INPP1: variants seen among roughly 807,000 people sequenced by gnomAD.
INPP1 encodes the protein inositol polyphosphate-1-phosphatase.
Under a neutral mutation model 23.0 loss-of-function variants are expected in INPP1, and 18 were observed. The ratio of observed to expected loss-of-function variants is 0.78; its 90% CI spans 0.54 to 1.16. INPP1 has a LOEUF of 1.16. Among genes scored for constraint, INPP1 ranks in the 50% most tolerant of loss-of-function variants. The pLI is 0.00. For synonymous variants in INPP1, 164 were observed against 176.3 expected (o/e 0.93, Z 0.55); for missense variants, 448 against 482.1 (o/e 0.93, Z 0.66).
At position 190,363,986 on chromosome 2, in the gene INPP1, T is replaced by C. The variant is rs1045390956; in HGVS notation, c.265+1299T>C. ...CCCTCTCAGTGGGATGGGAGGTCTCTGGCAAATTTCAAGCAAAGGAGTGAT... is the reference window on the plus strand; with the variant it reads ...CCCTCTCAGTGGGATGGGAGGTCTCCGGCAAATTTCAAGCAAAGGAGTGAT... On this transcript the variant is annotated intron_variant, in intron 4 of 6. Transcript: ENST00000392329. This position sits in a 1 kb window ranked among gnomAD's most constrained non-coding sequence, Gnocchi z 4.4. Among the ~76,000 whole-genome samples the C allele has an allele frequency of 6.6e-5, 10 of 152,202 alleles. No homozygotes were observed. Among genetic ancestry groups the C allele is most frequent in the African/African-American group, 2.2e-4 (9 of 41,448 alleles).
chr2:190,351,465 AC>A (rs1689322378), intron 2 of INPP1, among the ~76,000 whole-genome samples: 1 of 152,140 alleles, frequency 6.6e-6, no homozygotes, highest in Non-Finnish European at 1.5e-5. Flanking sequence ...GCCATCAGTA[AC>A]CCCACCTTCT....
At chr2:190,347,674 C>G (rs1689245641) in intron 1 of INPP1, among the ~76,000 whole-genome samples, 1 of 151,944 alleles carries the variant, frequency 6.6e-6, no homozygotes, top group South Asian at 2.1e-4. Context: ...TTAAACTTGC[C>G]CTTTTCCTCT....
chr2:190,346,602 C>A lies in INPP1; in HGVS notation c.-208-2286C>A, dbSNP rs1336348516. 6.6e-6 allele frequency among the ~76,000 whole-genome samples: 1 copy of A among 152,056 alleles called. No individual in the cohort carries two copies. The highest frequency in any genetic ancestry group is 1.5e-5 in the Non-Finnish European group (1 of 68,012). The stretch of plus-strand genomic sequence containing the variant: ...AGCAAAATATTGTACCTAATAATTT[C>A]TCTTTCTTTTTTTTCTTTTTTTCTT... On this transcript the variant is annotated intron_variant, in intron 1 of 6. Transcript: ENST00000392329. The surrounding 1 kb of genome is among the most constrained non-coding windows in gnomAD (Gnocchi z 5.1).
chr2:190,362,699 A>T lies in INPP1; in HGVS notation c.265+12A>T. 6.6e-7 allele frequency: 1 copy of T among 1,512,208 alleles called. No individual in the cohort carries two copies. The highest frequency in any genetic ancestry group is 9.1e-7 in the Non-Finnish European group (1 of 1,095,412). 93.7% of individuals were successfully genotyped at this position (1,512,208 alleles called of 1,614,324 possible). On this transcript the variant is annotated intron_variant, in intron 4 of 6. Transcript: ENST00000392329. ...TACTAATGACTGGGGTAAGTATAAGAATCTTAATGTGTCTTTGTAATTTAA... is the reference window on the plus strand; with the variant it reads ...TACTAATGACTGGGGTAAGTATAAGTATCTTAATGTGTCTTTGTAATTTAA...
intron 4 of INPP1, among the ~76,000 whole-genome samples, chr2:190,366,275 GTCTC>G (rs143015591): frequency 5.3e-5 from 7 of 133,022 alleles, no homozygotes; most frequent in African/African-American, 1.7e-4. Context: ...CACTCTTCCT[GTCTC>G]TCTCTCGCTC....
intron 4 of INPP1, 156 bp downstream of exon 4, chr2:190,362,843 A>G (rs1422711055): frequency 2.2e-6 from 1 of 455,110 alleles, no homozygotes. Context: ...ACCTCAGAAT[A>G]TCATGCCATT....
In INPP1 at chr2:190,370,991, A is replaced by G. The variant is rs946168408; in HGVS notation, c.789A>G (p.Val263=). 1.2e-6 allele frequency: 2 copies of G among 1,614,194 alleles called. No individual in the cohort carries two copies. The change falls in exon 7 of 7, where the codon GTA becomes GTG. Residue 263 remains valine (V), a synonymous_variant. Transcript: ENST00000392329. The part of the protein sequence containing the change: ...EAAFSPSFSA[V]ISTSEKETIK... ...CATTCTCCCCCAGTTTTTCAGCCGT[A>G]ATTAGTACAAGTGAAAAGGAGACTA...
chr2:190,345,075 G>A lies in INPP1; in HGVS notation c.-209+1114G>A, dbSNP rs1488613677. On this transcript the variant is annotated intron_variant, in intron 1 of 6. Coordinates refer to ENST00000392329, the MANE Select transcript of INPP1 (RefSeq NM_001128928.2). This position sits in a 1 kb window ranked among gnomAD's most constrained non-coding sequence, Gnocchi z 4.9. ...AAGGGAAAAAATAAAGGCAATGGAA[G>A]AATTCATTTTTTCAATACAGATATT... Among the ~76,000 whole-genome samples the A allele has an allele frequency of 1.3e-5, 2 of 152,164 alleles. No homozygotes were observed. The highest frequency in any genetic ancestry group is 2.9e-5 in the Non-Finnish European group (2 of 68,028).
intron 1 of INPP1, among the ~76,000 whole-genome samples, chr2:190,348,236 A>T (rs1346598656): frequency 6.6e-6 from 1 of 152,218 alleles, no homozygotes; most frequent in East Asian, 1.9e-4. Flanking sequence ...TAATTTTCCT[A>T]TCGCTACCCC....
chr2:190,359,362 C>A (rs927757988), intron 2 of INPP1, among the ~76,000 whole-genome samples: 4 of 151,388 alleles, frequency 2.6e-5, no homozygotes, highest in Admixed American at 6.6e-5. Flanking sequence ...GAAAAGTTGC[C>A]CTGGATAACA....
At chr2:190,351,509 G>T (rs1436506683) in intron 2 of INPP1, among the ~76,000 whole-genome samples, 1 of 152,144 alleles carries the variant, frequency 6.6e-6, no homozygotes, top group Non-Finnish European at 1.5e-5. Flanking sequence ...GACTTCCAAC[G>T]TTGCTATAGG....
At chr2:190,360,433 C>G (rs1689514074) in intron 3 of INPP1, 127 bp downstream of exon 3, 2 of 678,426 alleles carry the variant, frequency 2.9e-6, no homozygotes, top group Middle Eastern at 3.8e-4. Flanking sequence ...AAGTAAACAT[C>G]TTGGATTTTC....
Position 190,371,175 on chromosome 2 carries a change from A to C in INPP1, c.973A>C (p.Arg325=), listed in dbSNP as rs1882891. Residue 325 remains arginine (R), a synonymous_variant, in exon 7 of 7, where the codon AGG becomes CGG. Coordinates refer to ENST00000392329, the MANE Select transcript of INPP1 (RefSeq NM_001128928.2). This position sits in a 1 kb window ranked among gnomAD's most constrained non-coding sequence, Gnocchi z 5.3. ...CTCTTGTGCTGCTCATGCCATACTG[A>C]GGGCCATGGGTGGGGGAATAGTAGA... ...WDSCAAHAIL[R]AMGGGIVDLK... 1,397,002 of 1,613,972 alleles carry C rather than the reference A, an allele frequency of 0.87. 605,315 individuals carry two copies. Among genetic ancestry groups the C allele is most frequent in the Admixed American group, 0.92 (55,346 of 60,022 alleles).
rs1337248925 is a variant in INPP1 at position 190,370,459 on chromosome 2, G to T, written c.642-385G>T. On this transcript the variant is annotated intron_variant, in intron 6 of 6. Transcript: ENST00000392329. The stretch of plus-strand genomic sequence containing the variant: ...TAAAGAAAAACTTGTTATAGGGATT[G>T]TAGAATATTTGCAGATCAAAAAGAG... 2.6e-5 allele frequency among the ~76,000 whole-genome samples: 4 copies of T among 152,162 alleles called. No homozygotes were observed. The South Asian group carries it at 8.3e-4, about 32-fold the overall frequency.
chr2:190,371,613 A>C lies in INPP1; in HGVS notation c.*211A>C. ...ATTGGTGTATGAAATTCTTACAGTGAATATTGTGCTGTTAGTGCTGCTTGA... is the reference window on the plus strand; with the variant it reads ...ATTGGTGTATGAAATTCTTACAGTGCATATTGTGCTGTTAGTGCTGCTTGA... On this transcript the variant is annotated 3_prime_UTR_variant, in exon 7 of 7. Transcript: ENST00000392329. The surrounding 1 kb of genome is among the most constrained non-coding windows in gnomAD (Gnocchi z 5.3). 2.3e-6 allele frequency: 1 copy of C among 437,700 alleles called. No individual in the cohort carries two copies. Among genetic ancestry groups the C allele is most frequent in the Non-Finnish European group, 4.0e-6 (1 of 250,022 alleles). The allele number at this position is 437,700 out of a possible 1,614,324, so 27.1% of individuals were successfully genotyped here.
At chr2:190,358,964 T>C (rs1254965189) in intron 2 of INPP1, among the ~76,000 whole-genome samples, 5 of 152,160 alleles carry the variant, frequency 3.3e-5, no homozygotes, top group Non-Finnish European at 1.5e-5. Flanking sequence ...CTTGTGCTAC[T>C]AGCCTAAGAA....
Position 190,368,171 on chromosome 2 carries a change from TC to T in INPP1, c.467-931del, listed in dbSNP as rs1012564525. Among the ~76,000 whole-genome samples, 12 of 152,222 alleles carry T rather than the reference TC, an allele frequency of 7.9e-5. No individual in the cohort carries two copies. The highest frequency in any genetic ancestry group is 2.9e-4 in the African/African-American group (12 of 41,464). On this transcript the variant is annotated intron_variant, in intron 5 of 6. Coordinates refer to ENST00000392329, the MANE Select transcript of INPP1 (RefSeq NM_001128928.2). This position sits in a 1 kb window ranked among gnomAD's most constrained non-coding sequence, Gnocchi z 4.3. ...AGTTATAGTTTCTGAGGGACAGAGA[TC>T]TCCTGTTTCTTGGTTCCACCCTGAA...
At chr2:190,344,844 C>A (rs1367938181) in intron 1 of INPP1, among the ~76,000 whole-genome samples, 2 of 152,304 alleles carry the variant, frequency 1.3e-5, no homozygotes, top group Admixed American at 1.3e-4. Flanking sequence ...AAAGTATGGA[C>A]AGACCACTTA....
Position 190,366,736 on chromosome 2 carries a change from A to T in INPP1, c.307A>T (p.Thr103Ser). Residue 103 changes from threonine (T) to serine (S), a missense_variant, in exon 5 of 7, where the codon ACA becomes TCA. Thr to Ser is a moderately conservative substitution (Grantham distance 58, BLOSUM62 1). Coordinates refer to ENST00000392329, the MANE Select transcript of INPP1 (RefSeq NM_001128928.2). Reference protein sequence around the residue: ...TLRLCSTEEETAELLSKVLNG... With the variant: ...TLRLCSTEEESAELLSKVLNG... ...GAGGTTGTGTTCAACAGAGGAGGAA[A>T]CAGCAGAGCTTCTTAGCAAAGTCCT... is the stretch of plus-strand genomic sequence containing the variant. 6.2e-7 allele frequency: 1 copy of T among 1,613,592 alleles called. No individual in the cohort carries two copies. The highest frequency in any genetic ancestry group is 8.5e-7 in the Non-Finnish European group (1 of 1,179,486).
Sources: allele counts gnomAD v4.1 joint callset (sites outside exome capture counted in the v4.1 genomes callset), GRCh38; gene constraint gnomAD v4.1.1; non-coding constraint Gnocchi (gnomAD v3.1); transcripts MANE v1.5; gene names NCBI Gene and HGNC (gene_info 2026-07-23, HGNC 2026-07-21).